The following VAV2 variants were observed in gnomAD, a reference collection of about 807,000 sequenced individuals.
The protein encoded by VAV2 is vav guanine nucleotide exchange factor 2.
In VAV2, 67 loss-of-function variants were observed where a neutral mutation model predicts 132.5. The ratio of observed to expected loss-of-function variants is 0.51; its 90% CI spans 0.42 to 0.62. The LOEUF (loss-of-function observed/expected upper bound fraction) is 0.62. Ranked by LOEUF, VAV2 falls within the 20% of genes least tolerant of loss-of-function variation. The pLI is 0.00. For synonymous variants in VAV2, 492 were observed against 443.5 expected, an observed-to-expected ratio of 1.11 and a Z score of -1.37; for missense variants, 938 against 1,153.6, an observed-to-expected ratio of 0.81 and a Z score of 2.71.
chr9:133,805,621 G>A (rs1050240670), intron 9 of VAV2, among the ~76,000 whole-genome samples: 3 of 151,970 alleles, frequency 2.0e-5, no homozygotes, highest in Non-Finnish European at 4.4e-5. Flanking sequence ...GCCTCCGGCA[G>A]CCTGGGCGTC....
At chr9:133,809,231 A>C in intron 6 of VAV2, 93 bp from the exon 7 acceptor site, 4 of 1,114,098 alleles carry the variant, frequency 3.6e-6, no homozygotes, top group Non-Finnish European at 5.3e-6. Flanking sequence ...ACCTCCACAA[A>C]AGAGGACTCC....
At chr9:133,983,670 T>C (rs1316125255) in intron 1 of VAV2, among the ~76,000 whole-genome samples, 1 of 152,152 alleles carries the variant, frequency 6.6e-6, no homozygotes, top group Non-Finnish European at 1.5e-5. Context: ...CGCCAGGCTA[T>C]GCTGTCCTTG....
chr9:133,983,812 G>A (rs575119301), intron 1 of VAV2, among the ~76,000 whole-genome samples: 248 of 51,010 alleles, frequency 4.9e-3, no homozygotes, highest in African/African-American at 0.018. Context: ...CCCACCCCAC[G>A]CTCCCCGGCT....
chr9:133,772,097 C>T (rs914224910), intron 25 of VAV2, 51 bp from the exon 26 acceptor site: 69 of 1,510,596 alleles, frequency 4.6e-5, no homozygotes, highest in Non-Finnish European at 5.3e-5. Context: ...CACACGGCCC[C>T]GGCCCCCTTG....
At chr9:133,819,472 C>T (rs1216125621) in intron 4 of VAV2, among the ~76,000 whole-genome samples, 3 of 150,986 alleles carry the variant, frequency 2.0e-5, no homozygotes, top group Non-Finnish European at 4.4e-5. Flanking sequence ...GAGTGAGCAA[C>T]CAAAAACACT....
chr9:133,948,260 G>T (rs113999998), intron 1 of VAV2, among the ~76,000 whole-genome samples: 1 of 152,218 alleles, frequency 6.6e-6, no homozygotes, highest in Non-Finnish European at 1.5e-5. Context: ...CTTCGCTCGG[G>T]CCCATTTCCT....
chr9:133,782,131 T>C (rs1038193218), intron 19 of VAV2, among the ~76,000 whole-genome samples: 37 of 151,950 alleles, frequency 2.4e-4, no homozygotes, highest in Admixed American at 1.3e-3. Context: ...ACAGAAAGAT[T>C]ACAAAAAAAG....
rs1428895415 is a variant in VAV2 at position 133,921,310 on chromosome 9, CAT to C, written c.321+17791_321+17792del. 5.3e-5 allele frequency among the ~76,000 whole-genome samples: 8 copies of C among 151,598 alleles called. No individual in the cohort carries two copies. In the East Asian group the frequency reaches 9.6e-4, roughly 18 times the overall value. The stretch of plus-strand genomic sequence containing the variant: ...TGTTTGCTGAATGAATGAATGAACA[CAT>C]GAGTGAATGAATGGCTTCTTCTTCA... On this transcript the variant is annotated intron_variant, in intron 2 of 29. Transcript: ENST00000371850.
At chr9:133,825,696 G>A (rs1052215983) in intron 4 of VAV2, among the ~76,000 whole-genome samples, 1 of 152,104 alleles carries the variant, frequency 6.6e-6, no homozygotes, top group African/African-American at 2.4e-5. Context: ...GGGAGGGTGG[G>A]CCATAGAGGA....
At chr9:133,920,381 C>G (rs1840255041) in intron 2 of VAV2, among the ~76,000 whole-genome samples, 1 of 152,240 alleles carries the variant, frequency 6.6e-6, no homozygotes, top group South Asian at 2.1e-4. Context: ...CCTCTCCCTG[C>G]AGGCTGGGGC....
At chr9:133,791,754 C>G (rs76660681) in intron 13 of VAV2, 29 bp downstream of exon 13, 99 of 1,598,584 alleles carry the variant, frequency 6.2e-5, no homozygotes, top group Non-Finnish European at 8.2e-5. Flanking sequence ...CATCGACCTT[C>G]CCTAGCCTGA....
chr9:133,860,791 G>A (rs575610353), intron 3 of VAV2, among the ~76,000 whole-genome samples: 6 of 152,292 alleles, frequency 3.9e-5, no homozygotes, highest in African/African-American at 1.4e-4. Flanking sequence ...GTTCTCATCT[G>A]GGGCTGTTCT....
intron 2 of VAV2, among the ~76,000 whole-genome samples, chr9:133,876,135 C>T (rs778458774): frequency 1.3e-5 from 2 of 152,264 alleles, no homozygotes; most frequent in African/African-American, 2.4e-5. Context: ...TGACCTCCAG[C>T]TTCACAGCAG....
intron 1 of VAV2, among the ~76,000 whole-genome samples, chr9:133,968,196 G>A (rs1842210267): frequency 6.6e-6 from 1 of 152,100 alleles, no homozygotes; most frequent in Non-Finnish European, 1.5e-5. Context: ...TAGAAGAGAG[G>A]ACGTGAAATG....
chr9:133,956,310 TC>T (rs1841777797), intron 1 of VAV2, among the ~76,000 whole-genome samples: 1 of 152,010 alleles, frequency 6.6e-6, no homozygotes, highest in African/African-American at 2.4e-5. Flanking sequence ...CTGCAGCCCC[TC>T]CCTACCCTGT....
At chr9:133,875,097 A>T (rs1838209906) in intron 2 of VAV2, among the ~76,000 whole-genome samples, 1 of 152,218 alleles carries the variant, frequency 6.6e-6, no homozygotes, top group Non-Finnish European at 1.5e-5. Flanking sequence ...TGCAGACCCC[A>T]GACTGAGCGC....
chr9:133,927,590 C>G (rs1027077899), intron 2 of VAV2, among the ~76,000 whole-genome samples: 2 of 152,224 alleles, frequency 1.3e-5, no homozygotes, highest in African/African-American at 2.4e-5. Flanking sequence ...CCCAGCACCC[C>G]AACTCACCCC....
chr9:133,941,607 TTG>T (rs1491419736), intron 1 of VAV2, among the ~76,000 whole-genome samples: 9 of 9,362 alleles, frequency 9.6e-4, no homozygotes, highest in Non-Finnish European at 2.2e-3. Context: ...CCACTTTTTT[TTG>T]GGGGGGGGGG....
At position 133,898,795 on chromosome 9, in the gene VAV2, C is replaced by T. The variant is rs545237717; in HGVS notation, c.322-37363G>A. ...GAGCCACCACAGGCCGTGTCGGATC[C>T]AGGGAGGATGCAGACCCTGCCTTTT... On this transcript the variant is annotated intron_variant, in intron 2 of 29. Transcript: ENST00000371850. 3.3e-3 allele frequency among the ~76,000 whole-genome samples: 487 copies of T among 145,614 alleles called. 1 individual carries two copies. The highest frequency in any genetic ancestry group is 5.4e-3 in the Non-Finnish European group (365 of 67,044).
Sources: gnomAD v4.1 joint callset for allele counts (sites outside exome capture counted in the v4.1 genomes callset) on GRCh38, gnomAD v4.1.1 for gene constraint, MANE v1.5 for transcripts, NCBI Gene and HGNC (gene_info 2026-07-23, HGNC 2026-07-21) for gene names.